The following RSRC1 variants were observed in gnomAD, a reference collection of about 807,000 sequenced individuals.
RSRC1 encodes arginine and serine rich coiled-coil 1.
RSRC1 carries 39 observed loss-of-function variants against 49.1 expected under a neutral mutation model. The ratio of observed to expected loss-of-function variants is 0.79; its 90% CI spans 0.61 to 1.04. RSRC1 has a LOEUF of 1.04. Ranked by LOEUF, RSRC1 falls within the 50% of genes least tolerant of loss-of-function variation. The pLI, the probability that RSRC1 is intolerant of heterozygous loss-of-function variation, is 0.00. For missense variants in RSRC1, 388 were observed against 402.4 expected, an observed-to-expected ratio of 0.96 and a Z score of 0.31; for synonymous variants, 143 against 130.8, an observed-to-expected ratio of 1.09 and a Z score of -0.63.
chr3:158,356,613 CAAAT>C lies in RSRC1; in HGVS notation c.583+1709_583+1712del, dbSNP rs1023325429. On this transcript the variant is annotated intron_variant, in intron 6 of 9. Transcript: ENST00000611884. ...TGTTAATTTTTTTAATATTTTCACT[CAAAT>C]AAAATATACTGTAGGATAAATCTAA... 3.9e-4 allele frequency among the ~76,000 whole-genome samples: 60 copies of C among 151,962 alleles called. 1 individual carries two copies. Among genetic ancestry groups the C allele is most frequent in the Middle Eastern group, 3.4e-3 (1 of 294 alleles).
intron 4 of RSRC1, among the ~76,000 whole-genome samples, chr3:158,205,809 A>G (rs1721313867): frequency 1.3e-5 from 2 of 152,156 alleles, no homozygotes; most frequent in African/African-American, 2.4e-5. Flanking sequence ...TACTCTAACG[A>G]TAGCTGATGA....
chr3:158,351,175 GC>G (rs1730853437), intron 5 of RSRC1, among the ~76,000 whole-genome samples: 1 of 152,158 alleles, frequency 6.6e-6, no homozygotes, highest in African/African-American at 2.4e-5. Context: ...CAGCCAAGAG[GC>G]CTGTGGTGAT....
intron 4 of RSRC1, among the ~76,000 whole-genome samples, chr3:158,263,411 T>A (rs1442879440): frequency 6.6e-6 from 1 of 152,176 alleles, no homozygotes; most frequent in Non-Finnish European, 1.5e-5. Flanking sequence ...TTATATATTG[T>A]TGCATTTGCT....
chr3:158,368,210 C>T (rs1222125657), intron 6 of RSRC1, among the ~76,000 whole-genome samples: 1 of 152,170 alleles, frequency 6.6e-6, no homozygotes, highest in African/African-American at 2.4e-5. Flanking sequence ...AATGCTGGAT[C>T]TCTGGGGAGA....
At chr3:158,260,504 C>T (rs2108033762) in intron 4 of RSRC1, among the ~76,000 whole-genome samples, 1 of 152,250 alleles carries the variant, frequency 6.6e-6, no homozygotes, top group African/African-American at 2.4e-5. Context: ...TCTTCCAGAG[C>T]TGCACCTGTT....
intron 7 of RSRC1, among the ~76,000 whole-genome samples, chr3:158,499,721 C>T (rs930254688): frequency 3.9e-5 from 6 of 151,958 alleles, no homozygotes; most frequent in Non-Finnish European, 5.9e-5. Flanking sequence ...GATTTGTATA[C>T]GTTAATTTGC....
intron 4 of RSRC1, among the ~76,000 whole-genome samples, chr3:158,285,148 G>A (rs1460720075): frequency 6.6e-6 from 1 of 152,090 alleles, no homozygotes; most frequent in East Asian, 1.9e-4. Context: ...TATTAAATAG[G>A]GAATCCTTTC....
intron 6 of RSRC1, among the ~76,000 whole-genome samples, chr3:158,384,585 T>G (rs1732868041): frequency 6.6e-6 from 1 of 152,120 alleles, no homozygotes; most frequent in Non-Finnish European, 1.5e-5. Flanking sequence ...CAGCAATTGC[T>G]GTGAGTCTTT....
chr3:158,371,687 G>T (rs1047285605), intron 6 of RSRC1, among the ~76,000 whole-genome samples: 1 of 151,878 alleles, frequency 6.6e-6, no homozygotes, highest in Non-Finnish European at 1.5e-5. Context: ...GTTAGATATT[G>T]TGTGAACATG....
chr3:158,326,750 A>G (rs891718853), intron 5 of RSRC1, among the ~76,000 whole-genome samples: 49 of 152,166 alleles, frequency 3.2e-4, no homozygotes, highest in Non-Finnish European at 6.3e-4. Context: ...TCATAAAATG[A>G]GTTAGGGAGG....
At chr3:158,450,150 A>G (rs925902988) in intron 6 of RSRC1, among the ~76,000 whole-genome samples, 10 of 151,992 alleles carry the variant, frequency 6.6e-5, no homozygotes, top group African/African-American at 2.4e-4. Flanking sequence ...ATTAGGAACA[A>G]TGATAAGGAG....
At chr3:158,118,594 T>G (rs79876575) in intron 1 of RSRC1, among the ~76,000 whole-genome samples, 3,860 of 152,288 alleles carry the variant, frequency 0.025, 146 homozygotes, top group African/African-American at 0.089. Flanking sequence ...TTAGCTGTTA[T>G]TTTTGTTCTT....
intron 4 of RSRC1, among the ~76,000 whole-genome samples, chr3:158,294,748 G>T (rs1475272836): frequency 2.0e-5 from 3 of 152,102 alleles, no homozygotes; most frequent in African/African-American, 7.2e-5. Context: ...CCCTACACAT[G>T]TTCATGCACA....
chr3:158,506,828 GTATATATTTTATATATGTATATATTTA>G (rs992878825), intron 7 of RSRC1, among the ~76,000 whole-genome samples: 6 of 149,422 alleles, frequency 4.0e-5, no homozygotes, highest in African/African-American at 7.3e-5. Flanking sequence ...GTGTGTGTGT[GTATATATTTTATATATGTATATATTTA>G]TATATATTTT....
At chr3:158,293,942 A>T (rs988876092) in intron 4 of RSRC1, among the ~76,000 whole-genome samples, 7 of 151,882 alleles carry the variant, frequency 4.6e-5, no homozygotes, top group African/African-American at 1.4e-4. Flanking sequence ...TCATTCCGGA[A>T]GCTTTTTGAC....
chr3:158,179,144 G>T (rs1719436321), intron 3 of RSRC1, among the ~76,000 whole-genome samples: 1 of 152,048 alleles, frequency 6.6e-6, no homozygotes. Context: ...AGTTGAATTG[G>T]CTAGTACCTT....
At chr3:158,315,707 A>G (rs1728390105) in intron 5 of RSRC1, among the ~76,000 whole-genome samples, 1 of 152,194 alleles carries the variant, frequency 6.6e-6, no homozygotes, top group Non-Finnish European at 1.5e-5. Context: ...ATTTTGATTT[A>G]TTACTAGACA....
chr3:158,408,869 C>A (rs995594581), intron 6 of RSRC1, among the ~76,000 whole-genome samples: 4 of 151,876 alleles, frequency 2.6e-5, no homozygotes, highest in Admixed American at 2.6e-4. Flanking sequence ...CCCGTCTCTA[C>A]TAAAAATATA....
intron 6 of RSRC1, 88 bp from the exon 7 acceptor site, chr3:158,460,847 G>A: frequency 1.4e-6 from 1 of 696,218 alleles, no homozygotes; most frequent in Non-Finnish European, 2.2e-6. Flanking sequence ...TGGAAAATAA[G>A]TAATGAATTT....
Sources: allele counts gnomAD v4.1 joint callset (sites outside exome capture counted in the v4.1 genomes callset), GRCh38; gene constraint gnomAD v4.1.1; transcripts MANE v1.5; gene names NCBI Gene and HGNC (gene_info 2026-07-23, HGNC 2026-07-21).